AP3B1: variants seen among roughly 807,000 people sequenced by gnomAD.
The protein encoded by AP3B1 is adaptor related protein complex 3 subunit beta 1, also known as AP-3 complex subunit beta-1.
A neutral mutation model predicts 132.5 loss-of-function variants in AP3B1; 61 were observed. That is an observed-to-expected ratio of 0.46 (90% CI 0.37 to 0.57). The LOEUF (loss-of-function observed/expected upper bound fraction) is 0.57, where lower values mean the gene tolerates loss of function less well. AP3B1 is among the 20% of genes least tolerant of loss of function. The probability of loss-of-function intolerance (pLI) is 0.00; values close to 1 mark genes in which losing one functional copy is unlikely to be tolerated. For synonymous variants in AP3B1, 388 were observed against 438.3 expected, an observed-to-expected ratio of 0.89 and a Z score of 1.43; for missense variants, 1,120 against 1,289.4, an observed-to-expected ratio of 0.87 and a Z score of 2.01.
chr5:78,062,091 A>G (rs1349787223), intron 22 of AP3B1, among the ~76,000 whole-genome samples: 4 of 152,224 alleles, frequency 2.6e-5, no homozygotes, highest in African/African-American at 9.6e-5. Flanking sequence ...TTAGGGATAT[A>G]ATTTGAGAAC....
chr5:78,154,891 A>G (rs945193192), intron 14 of AP3B1, among the ~76,000 whole-genome samples: 3 of 152,170 alleles, frequency 2.0e-5, no homozygotes, highest in Non-Finnish European at 4.4e-5. Context: ...TTCTCAAGAC[A>G]GCTATTTTGA....
chr5:78,072,481 C>T (rs1294429335), intron 22 of AP3B1, among the ~76,000 whole-genome samples: 1 of 151,906 alleles, frequency 6.6e-6, no homozygotes, highest in African/African-American at 2.4e-5. Context: ...AAGGTATATG[C>T]CTTCTGAATT....
intron 22 of AP3B1, among the ~76,000 whole-genome samples, chr5:78,070,833 G>A (rs1053637676): frequency 1.3e-5 from 2 of 152,158 alleles, no homozygotes; most frequent in African/African-American, 4.8e-5. Flanking sequence ...CTGATCGTTA[G>A]AGAAATGCAA....
At chr5:78,038,390 T>C (rs758171940) in intron 23 of AP3B1, among the ~76,000 whole-genome samples, 41 of 152,108 alleles carry the variant, frequency 2.7e-4, no homozygotes, top group Non-Finnish European at 4.1e-4. Flanking sequence ...CTGGGCCACA[T>C]TGGAAGAAGA....
intron 2 of AP3B1, among the ~76,000 whole-genome samples, chr5:78,247,407 C>T (rs944193472): frequency 6.0e-5 from 9 of 150,886 alleles, no homozygotes; most frequent in African/African-American, 2.2e-4. Context: ...CTTAAATTTC[C>T]TTATTGGTTT....
At chr5:78,274,132 GA>G (rs2112571984) in intron 1 of AP3B1, among the ~76,000 whole-genome samples, 1 of 150,740 alleles carries the variant, frequency 6.6e-6, no homozygotes, top group South Asian at 2.1e-4. Context: ...ACATGGTCAG[GA>G]AAATGTAGAA....
intron 24 of AP3B1, among the ~76,000 whole-genome samples, chr5:78,028,815 C>T (rs1407412970): frequency 3.3e-5 from 5 of 152,078 alleles, no homozygotes; most frequent in Admixed American, 6.6e-5. Context: ...ACAATTTAAT[C>T]GTTTTTATTC....
chr5:78,141,869 G>A (rs566777428), intron 14 of AP3B1, among the ~76,000 whole-genome samples: 1 of 152,238 alleles, frequency 6.6e-6, no homozygotes, highest in East Asian at 1.9e-4. Flanking sequence ...GTGGGGCCCA[G>A]AAATCTATGT....
chr5:78,267,601 A>G lies in AP3B1; in HGVS notation c.129-6T>C. ...TTTGCTTTAGATCTTCATTCCTATT[A>G]CAAAAGAGAAGAAAAAAAATCCATA... On this transcript the variant is annotated splice_polypyrimidine_tract_variant and splice_region_variant and intron_variant, in intron 1 of 26. Transcript: ENST00000255194. 1 of 1,569,614 alleles carries G rather than the reference A, an allele frequency of 6.4e-7. No individual in the cohort carries two copies. Among genetic ancestry groups the G allele is most frequent in the South Asian group, 1.1e-5 (1 of 89,438 alleles).
At chr5:78,049,271 T>C (rs1268716135) in intron 22 of AP3B1, among the ~76,000 whole-genome samples, 3 of 152,176 alleles carry the variant, frequency 2.0e-5, no homozygotes, top group Admixed American at 6.5e-5. Flanking sequence ...GGTGGTAACG[T>C]GCAAGAATTA....
intron 21 of AP3B1, 77 bp downstream of exon 21, chr5:78,100,876 T>C (rs562715636): frequency 3.9e-5 from 33 of 839,320 alleles, no homozygotes; most frequent in African/African-American, 1.0e-4. Context: ...TTTTGGGACA[T>C]GTAAATGAAA....
Position 78,113,629 on chromosome 5 carries a change from A to C in AP3B1, c.2249+123T>G, listed in dbSNP as rs573492357. 13 of 1,089,718 alleles carry C rather than the reference A, an allele frequency of 1.2e-5. No individual in the cohort carries two copies. In the East Asian group the frequency reaches 2.2e-4, roughly 18 times the overall value. 67.5% of individuals were successfully genotyped at this position (1,089,718 alleles called of 1,614,324 possible). On this transcript the variant is annotated intron_variant, in intron 19 of 26. Transcript: ENST00000255194. ...TAGCACTTTAATTTTAAAAAGATTTAATATCTGGAAAAAAATACACACTTT... is the reference window on the plus strand; with the variant it reads ...TAGCACTTTAATTTTAAAAAGATTTCATATCTGGAAAAAAATACACACTTT...
chr5:78,153,208 C>A lies in AP3B1; in HGVS notation c.1473+3050G>T, dbSNP rs576423723. Among the ~76,000 whole-genome samples the A allele has an allele frequency of 1.2e-4, 19 of 152,244 alleles. No individual in the cohort carries two copies. In the South Asian group the frequency reaches 2.5e-3, roughly 20 times the overall value. Reference sequence around the variant, plus strand: ...CTCTAGTAACATTTGCTTTATATATCTGGGTGCTCCAGTGTTGAGTGCATA... The same window carrying A: ...CTCTAGTAACATTTGCTTTATATATATGGGTGCTCCAGTGTTGAGTGCATA... On this transcript the variant is annotated intron_variant, in intron 14 of 26. Coordinates refer to ENST00000255194, the MANE Select transcript of AP3B1 (RefSeq NM_003664.5).
At chr5:78,136,856 T>C (rs34496322) in intron 15 of AP3B1, among the ~76,000 whole-genome samples, 2,490 of 152,306 alleles carry the variant, frequency 0.016, 146 homozygotes, top group Admixed American at 0.12. Context: ...TTTAGAAGCA[T>C]ACATGTTGCA....
At chr5:78,156,657 T>C (rs2112357746) in intron 13 of AP3B1, among the ~76,000 whole-genome samples, 1 of 152,330 alleles carries the variant, frequency 6.6e-6, no homozygotes, top group East Asian at 1.9e-4. Context: ...TGGATTATGC[T>C]GCTCACCATA....
chr5:78,093,845 T>C (rs1750647448), intron 21 of AP3B1, among the ~76,000 whole-genome samples: 1 of 152,192 alleles, frequency 6.6e-6, no homozygotes, highest in Non-Finnish European at 1.5e-5. Context: ...CCCAATTTTA[T>C]AGACAAAGCA....
intron 21 of AP3B1, among the ~76,000 whole-genome samples, chr5:78,097,039 CCGCCCCG>C (rs1750852227): frequency 8.0e-6 from 1 of 125,368 alleles, no homozygotes; most frequent in Non-Finnish European, 1.6e-5. Flanking sequence ...GCCCGGCCAG[CCGCCCCG>C]TCCGGGAGGG....
chr5:78,152,413 G>T (rs918276749), intron 14 of AP3B1, among the ~76,000 whole-genome samples: 2 of 152,036 alleles, frequency 1.3e-5, no homozygotes, highest in African/African-American at 4.8e-5. Context: ...TTGGGAGGTT[G>T]TGTGTGTCTA....
intron 15 of AP3B1, among the ~76,000 whole-genome samples, chr5:78,130,353 A>G (rs1446807811): frequency 6.6e-6 from 1 of 152,098 alleles, no homozygotes; most frequent in Non-Finnish European, 1.5e-5. Context: ...AGAGCTAAAG[A>G]CAATTCTAGA....
Sources: allele counts gnomAD v4.1 joint callset (sites outside exome capture counted in the v4.1 genomes callset), GRCh38; gene constraint gnomAD v4.1.1; transcripts MANE v1.5; gene names NCBI Gene and HGNC (gene_info 2026-07-23, HGNC 2026-07-21).